LRP1B: variants seen among roughly 807,000 people sequenced by gnomAD.
LRP1B encodes low-density lipoprotein receptor-related protein 1B.
A neutral mutation model predicts 556.6 loss-of-function variants in LRP1B; 217 were observed. The observed-to-expected ratio is 0.39, with a 90% confidence interval of 0.35 to 0.44. The LOEUF (loss-of-function observed/expected upper bound fraction) is 0.44. Ranked by LOEUF, LRP1B falls within the 20% of genes least tolerant of loss-of-function variation. The pLI is 1.00. For synonymous variants in LRP1B, 2,047 were observed against 1,865.8 expected (o/e 1.10, Z -2.50); for missense variants, 5,053 against 5,620.8 (o/e 0.90, Z 3.23).
intron 6 of LRP1B, among the ~76,000 whole-genome samples, chr2:141,211,967 T>C (rs1005790763): frequency 6.6e-6 from 1 of 152,012 alleles, no homozygotes; most frequent in African/African-American, 2.4e-5. Flanking sequence ...AGACTATGAC[T>C]CAGAAAAAAG....
chr2:140,697,623 C>T (rs1434197027), intron 41 of LRP1B, among the ~76,000 whole-genome samples: 1 of 151,918 alleles, frequency 6.6e-6, no homozygotes, highest in Non-Finnish European at 1.5e-5. Context: ...AATGAAGTTC[C>T]AATATATGCT....
intron 31 of LRP1B, among the ~76,000 whole-genome samples, chr2:140,831,792 C>A (rs1171488919): frequency 6.6e-6 from 1 of 151,912 alleles, no homozygotes. Flanking sequence ...TATCAATAAC[C>A]AAAATATATA....
chr2:140,640,413 T>TTA, intron 41 of LRP1B, among the ~76,000 whole-genome samples: 1 of 112,830 alleles, frequency 8.9e-6, no homozygotes, highest in Admixed American at 9.7e-5. Flanking sequence ...TTTTTTTTTT[T>TTA]GAGATGGCGT....
chr2:140,323,932 T>G lies in LRP1B; in HGVS notation c.12475A>C (p.Lys4159Gln), dbSNP rs771980814. 2 of 1,582,354 alleles carry G rather than the reference T, an allele frequency of 1.3e-6. No individual in the cohort carries two copies. The highest frequency in any genetic ancestry group is 1.7e-6 in the Non-Finnish European group (2 of 1,152,362). ...TAACGATGAGATATCAAAACACCTT[T>G]TGTTTTATCAATATTTAAAGCTAAG... ...EYLALNIDKTKGVLISHRYKQ... is the reference protein window; with the variant it reads ...EYLALNIDKTQGVLISHRYKQ... Residue 4159 changes from lysine to glutamine, a missense_variant, in exon 81 of 91, where the codon AAA becomes CAA. Physicochemically the swap from Lys to Gln is moderately conservative, Grantham distance 53. Around this residue, in one of 5 missense-constraint regions of LRP1B, gnomAD observed 551 missense variants for 592.0 expected, o/e 0.93. Transcript: ENST00000389484.
At chr2:141,412,085 C>T (rs1164418647) in intron 3 of LRP1B, among the ~76,000 whole-genome samples, 1 of 152,122 alleles carries the variant, frequency 6.6e-6, no homozygotes, top group African/African-American at 2.4e-5. Context: ...TACTGCTAAT[C>T]AGCAAACACC....
At chr2:141,725,804 T>C (rs867426998) in intron 2 of LRP1B, among the ~76,000 whole-genome samples, 10 of 151,634 alleles carry the variant, frequency 6.6e-5, no homozygotes, top group African/African-American at 2.2e-4. Flanking sequence ...GGTTCTGAAT[T>C]CTAACTACTC....
chr2:140,311,291 ATGAC>A (rs1478197361), intron 83 of LRP1B, among the ~76,000 whole-genome samples: 4 of 151,876 alleles, frequency 2.6e-5, no homozygotes, highest in African/African-American at 9.7e-5. Flanking sequence ...TGTTCAGCGA[ATGAC>A]TGACTGGATA....
intron 23 of LRP1B, among the ~76,000 whole-genome samples, chr2:140,890,714 T>C (rs1430860896): frequency 6.6e-6 from 1 of 152,064 alleles, no homozygotes. Flanking sequence ...TAGATTATTA[T>C]TTCCCCTCTG....
chr2:141,212,885 G>C (rs1682627070), intron 6 of LRP1B, among the ~76,000 whole-genome samples: 1 of 152,140 alleles, frequency 6.6e-6, no homozygotes, highest in Non-Finnish European at 1.5e-5. Flanking sequence ...TAGAGTAATT[G>C]ATATAAACAA....
intron 13 of LRP1B, among the ~76,000 whole-genome samples, chr2:141,015,167 A>C (rs1697866484): frequency 6.6e-6 from 1 of 152,110 alleles, no homozygotes; most frequent in Non-Finnish European, 1.5e-5. Flanking sequence ...ATTTTACCTA[A>C]GAATTTCAAA....
At chr2:140,655,032 G>GTATATATATATATATATATA (rs145869246) in intron 41 of LRP1B, among the ~76,000 whole-genome samples, 98 of 147,146 alleles carry the variant, frequency 6.7e-4, no homozygotes, top group Middle Eastern at 7.1e-3. Flanking sequence ...GTATATGTAT[G>GTATATATATATATATATATA]TATATATATA....
At chr2:141,200,595 G>A (rs928694056) in intron 6 of LRP1B, among the ~76,000 whole-genome samples, 1 of 152,032 alleles carries the variant, frequency 6.6e-6, no homozygotes, top group African/African-American at 2.4e-5. Context: ...ATATTAAGAA[G>A]ACCACTTATC....
intron 49 of LRP1B, among the ~76,000 whole-genome samples, chr2:140,521,262 C>G (rs1005117188): frequency 6.6e-6 from 1 of 151,974 alleles, no homozygotes; most frequent in African/African-American, 2.4e-5. Context: ...ATTGGGCTAT[C>G]CAACATCAAC....
chr2:140,683,629 C>G, intron 41 of LRP1B: 1 of 697,352 alleles, frequency 1.4e-6, no homozygotes. Context: ...TCTCTCAGCT[C>G]CCAGGTATTC....
chr2:140,636,063 C>T (rs1574171999), intron 41 of LRP1B, among the ~76,000 whole-genome samples: 1 of 152,090 alleles, frequency 6.6e-6, no homozygotes, highest in Non-Finnish European at 1.5e-5. Flanking sequence ...TCAGAAGCTA[C>T]ACTCTCTGGC....
chr2:140,737,226 C>T (rs181176988), intron 35 of LRP1B, among the ~76,000 whole-genome samples: 72 of 152,200 alleles, frequency 4.7e-4, no homozygotes, highest in South Asian at 1.5e-3. Flanking sequence ...GTGGCAATTA[C>T]GTAATTGTGT....
At chr2:141,268,676 G>A (rs567977038) in intron 3 of LRP1B, among the ~76,000 whole-genome samples, 22 of 152,126 alleles carry the variant, frequency 1.4e-4, no homozygotes, top group African/African-American at 3.9e-4. Flanking sequence ...ATAAACTGGA[G>A]TATTGGTTGA....
At chr2:140,604,760 G>A (rs1682805751) in intron 41 of LRP1B, among the ~76,000 whole-genome samples, 1 of 152,218 alleles carries the variant, frequency 6.6e-6, no homozygotes, top group East Asian at 1.9e-4. Context: ...TAATCTCCAT[G>A]TGTTGTAGGA....
intron 35 of LRP1B, among the ~76,000 whole-genome samples, chr2:140,756,301 G>T (rs1018944601): frequency 6.6e-6 from 1 of 151,912 alleles, no homozygotes; most frequent in South Asian, 2.1e-4. Flanking sequence ...CAAAATCTCT[G>T]CTAGTTTATT....
Sources: allele counts gnomAD v4.1 joint callset (sites outside exome capture counted in the v4.1 genomes callset), GRCh38; gene constraint gnomAD v4.1.1; regional missense constraint gnomAD v4.1.1; transcripts MANE v1.5; gene names NCBI Gene and HGNC (gene_info 2026-07-23, HGNC 2026-07-21).